Variants in SLC35F4 observed in about 807,000 individuals in gnomAD.
SLC35F4 encodes chromosome 14 open reading frame 36.
In SLC35F4, 24 loss-of-function variants were observed where a neutral mutation model predicts 44.2. The observed-to-expected ratio is 0.54, with a 90% confidence interval of 0.39 to 0.76. The LOEUF is 0.76. Ranked by LOEUF, SLC35F4 falls within the 30% of genes least tolerant of loss-of-function variation. The pLI is 0.00. For synonymous variants in SLC35F4, 238 were observed against 223.6 expected, an observed-to-expected ratio of 1.06 and a Z score of -0.57; for missense variants, 562 against 586.1, an observed-to-expected ratio of 0.96 and a Z score of 0.42.
intron 1 of SLC35F4, chr14:57,596,012 C>T (rs888569965): frequency 7.2e-5 from 11 of 152,078 alleles, no homozygotes; most frequent in African/African-American, 2.7e-4. Context: ...TGACTACAGT[C>T]AACAATAATT....
chr14:57,645,639 A>G lies in SLC35F4; in HGVS notation c.104-51515T>C, dbSNP rs1037935544. Reference sequence around the variant, plus strand: ...TTCCTTCTCCTGCCTGATTGCCCTGACCAGAACTTCCAACACTATGTTGAA... The same window carrying G: ...TTCCTTCTCCTGCCTGATTGCCCTGGCCAGAACTTCCAACACTATGTTGAA... On this transcript the variant is annotated intron_variant, in intron 1 of 7. Coordinates refer to ENST00000556826, the MANE Select transcript of SLC35F4 (RefSeq NM_001306087.2). Among the ~76,000 whole-genome samples the G allele has an allele frequency of 6.0e-5, 9 of 151,014 alleles. 1 individual carries two copies. Among genetic ancestry groups the G allele is most frequent in the Admixed American group, 2.0e-4 (3 of 15,116 alleles).
intron 1 of SLC35F4, among the ~76,000 whole-genome samples, chr14:57,614,637 G>A (rs1312263816): frequency 6.6e-6 from 1 of 152,228 alleles, no homozygotes; most frequent in Non-Finnish European, 1.5e-5. Flanking sequence ...GTGTGCATGT[G>A]ACCATTCTCC....
chr14:57,635,527 TTTAA>T (rs2072983430), intron 1 of SLC35F4, among the ~76,000 whole-genome samples: 1 of 151,994 alleles, frequency 6.6e-6, no homozygotes, highest in South Asian at 2.1e-4. Context: ...CTGAGAGATG[TTTAA>T]TTGTCACAGG....
chr14:57,877,818 G>A (rs1205021501), intron 1 of SLC35F4, among the ~76,000 whole-genome samples: 1 of 150,388 alleles, frequency 6.6e-6, no homozygotes, highest in Admixed American at 6.7e-5. Context: ...CCAAGTAGAT[G>A]GGATTACAGG....
chr14:57,896,153 T>A (rs1410548946), intron 1 of SLC35F4, among the ~76,000 whole-genome samples: 3 of 151,908 alleles, frequency 2.0e-5, no homozygotes. Context: ...GGAGAAAAAA[T>A]TGGAAGATAA....
At chr14:57,938,037 T>A (rs1889847133) in intron 1 of SLC35F4, among the ~76,000 whole-genome samples, 1 of 152,122 alleles carries the variant, frequency 6.6e-6, no homozygotes, top group Non-Finnish European at 1.5e-5. Flanking sequence ...TGAAAATGCG[T>A]CTTCCTTATC....
intron 1 of SLC35F4, among the ~76,000 whole-genome samples, chr14:57,811,842 C>T (rs965694165): frequency 5.9e-5 from 9 of 152,002 alleles, no homozygotes; most frequent in Non-Finnish European, 1.3e-4. Context: ...ATTAGCTGGG[C>T]GTGGTGGAGC....
At chr14:57,891,139 A>G (rs1016502696) in intron 1 of SLC35F4, among the ~76,000 whole-genome samples, 6 of 152,200 alleles carry the variant, frequency 3.9e-5, no homozygotes, top group African/African-American at 1.4e-4. Context: ...GCCATAGACT[A>G]TATCTCCTGT....
At chr14:57,926,404 A>G (rs753815813) in intron 1 of SLC35F4, among the ~76,000 whole-genome samples, 2 of 152,076 alleles carry the variant, frequency 1.3e-5, no homozygotes, top group African/African-American at 2.4e-5. Flanking sequence ...TCTTTTTTCC[A>G]TCACTTACAC....
Position 57,865,987 on chromosome 14 carries a change from A to ACAGCGGCGG in SLC35F4, c.-171_-163dup, listed in dbSNP as rs1555398701. On this transcript the variant is annotated 5_prime_UTR_variant, in exon 1 of 8. Coordinates refer to ENST00000556826, the MANE Select transcript of SLC35F4 (RefSeq NM_001306087.2). Reference sequence around the variant, plus strand: ...CCCGGCGCAGCACCGGCTCCGCATCACAGCGGCGGCGGCGGCGGCGGCGGC... The same window carrying ACAGCGGCGG: ...CCCGGCGCAGCACCGGCTCCGCATCACAGCGGCGGCAGCGGCGGCGGCGGCGGCGGCGGC... 19 of 391,804 alleles carry ACAGCGGCGG rather than the reference A, an allele frequency of 4.8e-5. No homozygotes were observed. The East Asian group carries it at 6.9e-4, about 14-fold the overall frequency. 24.3% of individuals were successfully genotyped at this position (391,804 alleles called of 1,614,324 possible).
chr14:57,820,786 G>A (rs1883095742), intron 1 of SLC35F4, among the ~76,000 whole-genome samples: 1 of 152,088 alleles, frequency 6.6e-6, no homozygotes, highest in Non-Finnish European at 1.5e-5. Flanking sequence ...GCTTCTATAA[G>A]GATCATCAGA....
chr14:57,753,991 G>T (rs994284865), intron 1 of SLC35F4, among the ~76,000 whole-genome samples: 1 of 151,192 alleles, frequency 6.6e-6, no homozygotes, highest in Non-Finnish European at 1.5e-5. Context: ...GTGTGACAAA[G>T]ATTTCCCTTC....
At chr14:57,811,445 T>C (rs1426493096) in intron 1 of SLC35F4, among the ~76,000 whole-genome samples, 1 of 152,200 alleles carries the variant, frequency 6.6e-6, no homozygotes, top group Non-Finnish European at 1.5e-5. Flanking sequence ...ATTTAACAGA[T>C]ACTGAACAAA....
chr14:57,663,284 G>A (rs948872999), intron 1 of SLC35F4, among the ~76,000 whole-genome samples: 3 of 152,196 alleles, frequency 2.0e-5, no homozygotes, highest in South Asian at 2.1e-4. Flanking sequence ...GTAGAACAGT[G>A]GTCATTTGTT....
intron 1 of SLC35F4, among the ~76,000 whole-genome samples, chr14:57,785,351 G>A (rs1358683562): frequency 6.6e-6 from 1 of 152,034 alleles, no homozygotes; most frequent in African/African-American, 2.4e-5. Context: ...CCATTGCACG[G>A]CACCCCTGCC....
At chr14:57,722,497 A>T (rs1200281133) in intron 1 of SLC35F4, among the ~76,000 whole-genome samples, 1 of 152,192 alleles carries the variant, frequency 6.6e-6, no homozygotes, top group Non-Finnish European at 1.5e-5. Flanking sequence ...AGAGCCCTGT[A>T]ATTGCTCTTC....
chr14:57,874,532 CA>C (rs1888357545), intron 1 of SLC35F4, among the ~76,000 whole-genome samples: 1 of 152,156 alleles, frequency 6.6e-6, no homozygotes, highest in South Asian at 2.1e-4. Context: ...TTGCCCAGTG[CA>C]AAGTTTACAA....
chr14:57,697,962 C>T (rs2075431578), intron 1 of SLC35F4, among the ~76,000 whole-genome samples: 1 of 152,138 alleles, frequency 6.6e-6, no homozygotes, highest in Non-Finnish European at 1.5e-5. Flanking sequence ...ACAACACTGC[C>T]TGGGTCCAAA....
At chr14:57,936,543 G>C (rs1889800076) in intron 1 of SLC35F4, among the ~76,000 whole-genome samples, 1 of 152,226 alleles carries the variant, frequency 6.6e-6, no homozygotes, top group Admixed American at 6.5e-5. Context: ...GACAATGTCT[G>C]AGACAGGTTT....
Sources: gnomAD v4.1 joint callset for allele counts (sites outside exome capture counted in the v4.1 genomes callset) on GRCh38, gnomAD v4.1.1 for gene constraint, MANE v1.5 for transcripts, NCBI Gene and HGNC (gene_info 2026-07-23, HGNC 2026-07-21) for gene names.